Variants in ATRNL1 observed in about 807,000 individuals in gnomAD.
ATRNL1 encodes attractin like 1.
A neutral mutation model predicts 182.7 loss-of-function variants in ATRNL1; 95 were observed. That is an observed-to-expected ratio of 0.52 (90% CI 0.44 to 0.62). The LOEUF is 0.62. ATRNL1 is among the 20% of genes least tolerant of loss of function. ATRNL1 has a pLI of 0.00. For missense variants in ATRNL1, 1,471 were observed against 1,679.5 expected (o/e 0.88, Z 2.17); for synonymous variants, 576 against 568.3 (o/e 1.01, Z -0.19).
chr10:115,502,988 T>C (rs931445217), intron 24 of ATRNL1, among the ~76,000 whole-genome samples: 1 of 152,170 alleles, frequency 6.6e-6, no homozygotes, highest in Non-Finnish European at 1.5e-5. Flanking sequence ...TGGCCCTGTA[T>C]GTCTCAGGAA....
intron 20 of ATRNL1, among the ~76,000 whole-genome samples, chr10:115,401,483 G>T (rs1352013255): frequency 1.3e-5 from 2 of 152,180 alleles, no homozygotes; most frequent in Non-Finnish European, 1.5e-5. Context: ...AAGACAAATA[G>T]CAGGCTGCTG....
At chr10:115,386,111 G>C (rs1858333849) in intron 19 of ATRNL1, among the ~76,000 whole-genome samples, 1 of 151,832 alleles carries the variant, frequency 6.6e-6, no homozygotes, top group Non-Finnish European at 1.5e-5. Flanking sequence ...GAATTGTATT[G>C]AAATTTTATA....
chr10:115,913,862 T>C (rs550303069), intron 28 of ATRNL1, among the ~76,000 whole-genome samples: 35 of 152,194 alleles, frequency 2.3e-4, no homozygotes, highest in South Asian at 6.2e-4. Context: ...GTTTTGGGAA[T>C]AGGTACAAAT....
intron 10 of ATRNL1, among the ~76,000 whole-genome samples, chr10:115,246,040 G>A (rs1235891246): frequency 3.9e-5 from 6 of 152,056 alleles, no homozygotes; most frequent in African/African-American, 1.4e-4. Flanking sequence ...TTAAAAAGAG[G>A]CCACTAAATA....
intron 28 of ATRNL1, among the ~76,000 whole-genome samples, chr10:115,920,859 AGAAGT>A (rs1953035578): frequency 6.6e-6 from 1 of 152,246 alleles, no homozygotes; most frequent in African/African-American, 2.4e-5. Flanking sequence ...AAGAGAAAGA[AGAAGT>A]TAAGAAGTAT....
rs550208261 is a variant in ATRNL1, at chr10:115,378,950, G to A, written c.3176-15709G>A. On this transcript the variant is annotated intron_variant, in intron 19 of 28. Transcript: ENST00000355044. ...ATGCAAGCAAGGAAATAATGATATAGCAAGGGATGGGCATAGGAACATAAA... is the reference window on the plus strand; with the variant it reads ...ATGCAAGCAAGGAAATAATGATATAACAAGGGATGGGCATAGGAACATAAA... Among the ~76,000 whole-genome samples the A allele has an allele frequency of 4.6e-5, 7 of 152,252 alleles. No individual in the cohort carries two copies. The South Asian group carries it at 1.4e-3, about 32-fold the overall frequency.
In ATRNL1 at chr10:115,542,538, A is replaced by G. The variant is rs1852419902; in HGVS notation, c.3717-6920A>G. ...TACAAGCCTTGGAACTGCTGCGTTC[A>G]TTTTTGTTCCTAAGAATTAAAGAAG... On this transcript the variant is annotated intron_variant, in intron 25 of 28. Coordinates refer to ENST00000355044, the MANE Select transcript of ATRNL1 (RefSeq NM_207303.4). 2.0e-5 allele frequency among the ~76,000 whole-genome samples: 3 copies of G among 152,226 alleles called. No individual in the cohort carries two copies. The South Asian group carries it at 6.2e-4, about 32-fold the overall frequency.
intron 9 of ATRNL1, among the ~76,000 whole-genome samples, chr10:115,221,034 C>A (rs1255214145): frequency 6.6e-6 from 1 of 152,176 alleles, no homozygotes; most frequent in African/African-American, 2.4e-5. Flanking sequence ...CTCAGATCAT[C>A]AAGCATTAGA....
intron 26 of ATRNL1, among the ~76,000 whole-genome samples, chr10:115,629,746 C>T (rs1470842069): frequency 2.0e-5 from 3 of 152,026 alleles, no homozygotes; most frequent in African/African-American, 7.2e-5. Context: ...CTCATCATTT[C>T]CTTAACTCTT....
At chr10:115,315,795 T>C in intron 18 of ATRNL1, 59 bp downstream of exon 18, 46 of 1,321,618 alleles carry the variant, frequency 3.5e-5, no homozygotes, top group Non-Finnish European at 4.5e-5. Context: ...AAGAAGGAGT[T>C]TTTGTTCTTA....
chr10:115,151,408 G>T (rs1449737389), intron 5 of ATRNL1, among the ~76,000 whole-genome samples: 3 of 152,024 alleles, frequency 2.0e-5, no homozygotes, highest in East Asian at 3.9e-4. Flanking sequence ...TTTAATGATC[G>T]CCATTCTAAC....
chr10:115,222,785 A>C (rs1408853358), intron 9 of ATRNL1, among the ~76,000 whole-genome samples: 1 of 152,206 alleles, frequency 6.6e-6, no homozygotes, highest in Non-Finnish European at 1.5e-5. Flanking sequence ...TCGATAAAGG[A>C]AATACTAATT....
intron 1 of ATRNL1, among the ~76,000 whole-genome samples, chr10:115,102,814 C>T (rs1329469143): frequency 2.6e-5 from 4 of 152,098 alleles, no homozygotes; most frequent in African/African-American, 9.7e-5. Flanking sequence ...TTTTGTTTTT[C>T]ATATACATTT....
At chr10:115,683,175 T>G (rs1946106086) in intron 26 of ATRNL1, among the ~76,000 whole-genome samples, 1 of 152,108 alleles carries the variant, frequency 6.6e-6, no homozygotes, top group Admixed American at 6.6e-5. Context: ...GTTTTAAATT[T>G]AAATATATTT....
chr10:115,272,716 C>A (rs1207847693), intron 13 of ATRNL1, among the ~76,000 whole-genome samples: 1 of 152,166 alleles, frequency 6.6e-6, no homozygotes, highest in Non-Finnish European at 1.5e-5. Context: ...ACCCTTCTGT[C>A]AGCCTTGCAA....
intron 14 of ATRNL1, among the ~76,000 whole-genome samples, chr10:115,283,681 G>A (rs1423989204): frequency 6.6e-6 from 1 of 152,130 alleles, no homozygotes; most frequent in Non-Finnish European, 1.5e-5. Flanking sequence ...AAAGTTTCCT[G>A]AAAATGACAA....
At chr10:115,863,133 A>G (rs563656807) in intron 28 of ATRNL1, among the ~76,000 whole-genome samples, 4 of 152,298 alleles carry the variant, frequency 2.6e-5, no homozygotes, top group African/African-American at 9.6e-5. Flanking sequence ...TTGGAGGGAC[A>G]CTTCTCTGAG....
chr10:115,732,205 G>A (rs1199523799), intron 27 of ATRNL1, among the ~76,000 whole-genome samples: 2 of 152,056 alleles, frequency 1.3e-5, no homozygotes, highest in East Asian at 1.9e-4. Flanking sequence ...GGATTATATC[G>A]TAACTTTTTA....
intron 21 of ATRNL1, among the ~76,000 whole-genome samples, chr10:115,442,503 A>G (rs1023403368): frequency 1.3e-5 from 2 of 152,028 alleles, no homozygotes; most frequent in Non-Finnish European, 2.9e-5. Flanking sequence ...AAAGGGCCAA[A>G]TAATAGATAT....
Sources: gnomAD v4.1 joint callset for allele counts (sites outside exome capture counted in the v4.1 genomes callset) on GRCh38, gnomAD v4.1.1 for gene constraint, MANE v1.5 for transcripts, NCBI Gene and HGNC (gene_info 2026-07-23, HGNC 2026-07-21) for gene names.